The following TGIF1 variants were observed in gnomAD, a reference collection of about 807,000 sequenced individuals.
TGIF1 encodes the protein TGFB induced factor homeobox 1.
In TGIF1, 4 loss-of-function variants were observed where a neutral mutation model predicts 19.3. The ratio of observed to expected loss-of-function variants is 0.21; its 90% CI spans 0.10 to 0.47. TGIF1 has a LOEUF of 0.47. Ranked by LOEUF, TGIF1 falls within the 20% of genes least tolerant of loss-of-function variation. TGIF1 has a pLI of 0.98. For missense variants in TGIF1, 275 were observed against 341.4 expected, an observed-to-expected ratio of 0.81 and a Z score of 1.53; for synonymous variants, 122 against 129.3, an observed-to-expected ratio of 0.94 and a Z score of 0.38.
At chr18:3,426,918 T>C (rs1055469717) in intron 2 of TGIF1, among the ~76,000 whole-genome samples, 2 of 105,344 alleles carry the variant, frequency 1.9e-5, no homozygotes, top group Non-Finnish European at 3.6e-5. Flanking sequence ...GATGATCTCT[T>C]TTTTTTTTTT....
At chr18:3,446,182 G>A (rs368090216), upstream of TGIF1, among the ~76,000 whole-genome samples, 24 of 152,010 alleles carry the variant, frequency 1.6e-4, no homozygotes, top group East Asian at 5.8e-4. Flanking sequence ...TTATCTTTCC[G>A]TTTTTTTGTT....
At position 3,457,208 on chromosome 18, in the gene TGIF1, C is replaced by T; in HGVS notation, c.244-157C>T. The T allele has an allele frequency of 1.1e-6, 1 of 870,392 alleles. No homozygotes were observed. The highest frequency in any genetic ancestry group is 1.8e-6 in the Non-Finnish European group (1 of 552,542). 53.9% of individuals were successfully genotyped at this position (870,392 alleles called of 1,614,324 possible). A position where few individuals can be genotyped will look rare whatever the true frequency, so the allele number is the denominator to read the frequency against. On this transcript the variant is annotated intron_variant, in intron 2 of 2. Transcript: ENST00000343820. This position sits in a 1 kb window ranked among gnomAD's most constrained non-coding sequence, Gnocchi z 4.9. ...GTGGTAGCTTGCTTTCTTGGCGGAG[C>T]TCAGATACCTTGAAATAACATTGTA... is the stretch of plus-strand genomic sequence containing the variant.
At chr18:3,425,256 G>T (rs1568031103) in intron 2 of TGIF1, among the ~76,000 whole-genome samples, 1 of 152,202 alleles carries the variant, frequency 6.6e-6, no homozygotes, top group Non-Finnish European at 1.5e-5. Context: ...TCACAGACTG[G>T]CTGTCCTTGC....
chr18:3,413,472 A>C (rs1252174511), intron 1 of TGIF1, among the ~76,000 whole-genome samples: 2 of 152,202 alleles, frequency 1.3e-5, no homozygotes, highest in Non-Finnish European at 2.9e-5. Flanking sequence ...GGAAAATGAT[A>C]GTTTCCTTTG....
chr18:3,450,407 G>C lies in TGIF1; in HGVS notation c.-83G>C. ...AGTTACGGGAGAGTCGGCTGTGAAG[G>C]AGACGTTCGCTTATCCCCTGTGTCC... On this transcript the variant is annotated 5_prime_UTR_variant, in exon 1 of 3. Coordinates refer to ENST00000343820, the MANE Select transcript of TGIF1 (RefSeq NM_003244.4). 1 of 1,549,324 alleles carries C rather than the reference G, an allele frequency of 6.5e-7. No homozygotes were observed. Among genetic ancestry groups the C allele is most frequent in the East Asian group, 2.4e-5 (1 of 40,886 alleles).
chr18:3,442,924 C>T (rs2082692985), intron 2 of TGIF1, among the ~76,000 whole-genome samples: 1 of 152,020 alleles, frequency 6.6e-6, no homozygotes, highest in Non-Finnish European at 1.5e-5. Context: ...AGTGAGGGCA[C>T]AAAGAAAGAG....
intron 2 of TGIF1, among the ~76,000 whole-genome samples, chr18:3,439,439 G>A (rs984115628): frequency 1.3e-5 from 2 of 151,510 alleles, no homozygotes; most frequent in African/African-American, 4.9e-5. Context: ...CTCCTCCCAG[G>A]TTCAAGCGAT....
At chr18:3,439,587 C>T (rs996647624) in intron 2 of TGIF1, among the ~76,000 whole-genome samples, 1 of 152,070 alleles carries the variant, frequency 6.6e-6, no homozygotes, top group African/African-American at 2.4e-5. Context: ...AGGTGATTCG[C>T]CCGCCTCAGC....
rs749817664 is a variant in TGIF1, at chr18:3,457,420, A to C, written c.299A>C (p.Lys100Thr). 4 of 1,614,128 alleles carry C rather than the reference A, an allele frequency of 2.5e-6. No homozygotes were observed. The highest frequency in any genetic ancestry group is 3.4e-6 in the Non-Finnish European group (4 of 1,180,050). Reference protein sequence around the residue: ...RRRLLPDMLRKDGKDPNQFTI... With the variant: ...RRRLLPDMLRTDGKDPNQFTI... Reference sequence around the variant, plus strand: ...AGGCTCCTCCCTGACATGCTGAGAAAGGATGGCAAAGATCCAAATCAGTTC... The same window carrying C: ...AGGCTCCTCCCTGACATGCTGAGAACGGATGGCAAAGATCCAAATCAGTTC... Residue 100 changes from lysine (K) to threonine (T), a missense_variant, in exon 3 of 3, where the codon AAG (lysine) becomes ACG (threonine). Transcript: ENST00000343820. This position sits in a 1 kb window ranked among gnomAD's most constrained non-coding sequence, Gnocchi z 4.9.
chr18:3,429,796 C>G (rs796975302), intron 2 of TGIF1, among the ~76,000 whole-genome samples: 4 of 152,354 alleles, frequency 2.6e-5, no homozygotes, highest in African/African-American at 7.2e-5. Flanking sequence ...CACATTGCAA[C>G]TAACTTCTGA....
chr18:3,423,461 C>T (rs565746465), intron 2 of TGIF1, among the ~76,000 whole-genome samples: 44 of 152,084 alleles, frequency 2.9e-4, no homozygotes, highest in South Asian at 8.3e-4. Flanking sequence ...GGGCAGATCA[C>T]GAGGTCAGGA....
upstream of TGIF1, chr18:3,450,013 C>T (rs952946513): frequency 4.0e-6 from 4 of 990,658 alleles, no homozygotes; most frequent in Admixed American, 1.8e-4. Context: ...CGCACCGCCG[C>T]CCCCGAGGGA....
Position 3,431,962 on chromosome 18 carries a change from C to T in TGIF1, c.-45+13747C>T, listed in dbSNP as rs541018392. 5.3e-5 allele frequency among the ~76,000 whole-genome samples: 8 copies of T among 152,158 alleles called. No homozygotes were observed. In the East Asian group the frequency reaches 1.4e-3, roughly 26 times the overall value. On this transcript the variant is annotated intron_variant, in intron 2 of 3. Transcript: ENST00000401449. ...TGGCCAACCTGGTGAAACCCCATCT[C>T]TACTAAAATACAAAAATTAGCTGGG... is the stretch of plus-strand genomic sequence containing the variant.
chr18:3,439,012 T>G (rs1443972386), intron 2 of TGIF1, among the ~76,000 whole-genome samples: 1 of 152,182 alleles, frequency 6.6e-6, no homozygotes, highest in Non-Finnish European at 1.5e-5. Flanking sequence ...GCCCCATTAG[T>G]AAACAAATCA....
chr18:3,456,880 A>C lies in TGIF1; in HGVS notation c.243+300A>C. The C allele has an allele frequency of 1.7e-6, 1 of 602,452 alleles. No individual in the cohort carries two copies. Among genetic ancestry groups the C allele is most frequent in the Non-Finnish European group, 2.9e-6 (1 of 341,102 alleles). The allele number at this position is 602,452 out of a possible 1,614,324, so 37.3% of individuals were successfully genotyped here. On this transcript the variant is annotated intron_variant, in intron 2 of 2. Transcript: ENST00000343820. The surrounding 1 kb of genome is among the most constrained non-coding windows in gnomAD (Gnocchi z 4.2). ...GTCCAGGAAACTGGTTTGATATTTAAACAAGGACGACTTCAGTGAGGTAAT... is the reference window on the plus strand; with the variant it reads ...GTCCAGGAAACTGGTTTGATATTTACACAAGGACGACTTCAGTGAGGTAAT...
At chr18:3,446,336 A>G (rs2082746313), upstream of TGIF1, among the ~76,000 whole-genome samples, 2 of 152,134 alleles carry the variant, frequency 1.3e-5, no homozygotes, top group South Asian at 4.1e-4. Flanking sequence ...GTCACACGCC[A>G]CCACGCCCGG....
chr18:3,447,813 C>T, upstream of TGIF1: 1 of 1,614,102 alleles, frequency 6.2e-7, no homozygotes, highest in Middle Eastern at 1.6e-4. Flanking sequence ...TTCACATCTC[C>T]GTTTTTTCCT....
Position 3,450,394 on chromosome 18 carries a change from G to C in TGIF1, c.-96G>C, listed in dbSNP as rs2082866912. ...AGCACGTCCTACAAGTTACGGGAGA[G>C]TCGGCTGTGAAGGAGACGTTCGCTT... On this transcript the variant is annotated 5_prime_UTR_variant, in exon 1 of 3. Coordinates refer to ENST00000343820, the MANE Select transcript of TGIF1 (RefSeq NM_003244.4). 1.9e-6 allele frequency: 3 copies of C among 1,546,266 alleles called. No homozygotes were observed. Among genetic ancestry groups the C allele is most frequent in the East Asian group, 2.4e-5 (1 of 40,876 alleles).
chr18:3,430,420 C>A (rs927640644), intron 2 of TGIF1, among the ~76,000 whole-genome samples: 3 of 152,004 alleles, frequency 2.0e-5, no homozygotes, highest in African/African-American at 7.3e-5. Context: ...CTTATATTAA[C>A]GTGTCATGAA....
Sources: gnomAD v4.1 joint callset for allele counts (sites outside exome capture counted in the v4.1 genomes callset) on GRCh38, gnomAD v4.1.1 for gene constraint, Gnocchi (gnomAD v3.1) non-coding constraint, MANE v1.5 for transcripts, NCBI Gene and HGNC (gene_info 2026-07-23, HGNC 2026-07-21) for gene names.